Variants in UBR1 observed in about 807,000 individuals in gnomAD.
UBR1 encodes the protein ubiquitin protein ligase E3 component n-recognin 1.
In UBR1, 102 loss-of-function variants were observed where a neutral mutation model predicts 242.1. That is an observed-to-expected ratio of 0.42 (90% CI 0.36 to 0.50). UBR1 has a LOEUF of 0.50. Among genes scored for constraint, UBR1 ranks in the 20% least tolerant of loss-of-function variants. UBR1 has a pLI of 0.01. For missense variants in UBR1, 1,772 were observed against 2,101.8 expected, an observed-to-expected ratio of 0.84 and a Z score of 3.07; for synonymous variants, 675 against 684.8, an observed-to-expected ratio of 0.99 and a Z score of 0.22.
At chr15:43,017,248 T>C in intron 27 of UBR1, 67 bp from the exon 28 acceptor site, 2 of 1,082,794 alleles carry the variant, frequency 1.8e-6, no homozygotes, top group Admixed American at 3.7e-5. Flanking sequence ...AACAGAAACA[T>C]TCACTAATCT....
intron 1 of UBR1, among the ~76,000 whole-genome samples, chr15:43,098,544 T>A (rs534115027): frequency 1.3e-5 from 2 of 152,326 alleles, no homozygotes; most frequent in South Asian, 4.1e-4. Context: ...TTTATAAAAG[T>A]ATCTATCCAG....
chr15:43,047,208 G>C lies in UBR1; in HGVS notation c.1621C>G (p.Gln541Glu). ...DWEAAIAIQMQLKNILLMFQE... is the reference protein window; with the variant it reads ...DWEAAIAIQMELKNILLMFQE... ...AACATGAGTAAAATATTCTTCAATT[G>C]CATCTGTATAGCAATGGCAGCCTCC... is the stretch of plus-strand genomic sequence containing the variant. The change falls in exon 14 of 47, where the codon CAA becomes GAA. Residue 541 changes from glutamine (Q) to glutamate (E), a missense_variant. Gln to Glu is a conservative substitution (Grantham distance 29). Transcript: ENST00000290650. 1 of 1,614,086 alleles carries C rather than the reference G, an allele frequency of 6.2e-7. No individual in the cohort carries two copies. Among genetic ancestry groups the C allele is most frequent in the South Asian group, 1.1e-5 (1 of 91,078 alleles).
chr15:43,025,509 C>T (rs2033167283), intron 23 of UBR1, 80 bp from the exon 24 acceptor site: 1 of 1,021,018 alleles, frequency 9.8e-7, no homozygotes. Flanking sequence ...CAGGAAAGAC[C>T]CAACCACCTA....
At chr15:43,102,275 C>T (rs944885178) in intron 1 of UBR1, among the ~76,000 whole-genome samples, 1 of 152,164 alleles carries the variant, frequency 6.6e-6, no homozygotes, top group South Asian at 2.1e-4. Context: ...CAAGGATAAC[C>T]TTTCCAGTGC....
chr15:43,064,016 G>A (rs774186362), intron 6 of UBR1, among the ~76,000 whole-genome samples: 9 of 152,202 alleles, frequency 5.9e-5, no homozygotes, highest in Non-Finnish European at 1.2e-4. Flanking sequence ...GATTACAGGC[G>A]TGGGCCACTG....
intron 26 of UBR1, among the ~76,000 whole-genome samples, chr15:43,022,095 C>T (rs2033117967): frequency 6.6e-6 from 1 of 151,940 alleles, no homozygotes; most frequent in East Asian, 1.9e-4. Context: ...TATCCATAAA[C>T]TGAATAGGTT....
Position 42,984,935 on chromosome 15 carries a change from T to C in UBR1, c.4005A>G (p.Leu1335=), listed in dbSNP as rs774563196. 7 of 1,608,728 alleles carry C rather than the reference T, an allele frequency of 4.4e-6. No homozygotes were observed. Among genetic ancestry groups the C allele is most frequent in the East Asian group, 2.2e-5 (1 of 44,746 alleles). ...CAFTIQAIEN[L]LGDEGKPLFG... ...ACAGAGGTTTTCCTTCATCTCCCAA[T>C]AGATTTTCTCAAAGAATAAAAAAAA... Residue 1335 remains leucine (L), a synonymous_variant, in exon 36 of 47, where the codon CTA becomes CTG. Transcript: ENST00000290650.
intron 5 of UBR1, among the ~76,000 whole-genome samples, chr15:43,068,631 T>C (rs1596128540): frequency 1.3e-5 from 2 of 152,022 alleles, no homozygotes; most frequent in East Asian, 1.9e-4. Flanking sequence ...TTTTGTTTTG[T>C]TTTGTTTTAG....
In UBR1 at chr15:42,961,442, T is replaced by C. The variant is rs892729922; in HGVS notation, c.4701-741A>G. The stretch of plus-strand genomic sequence containing the variant: ...GTTCCTCTTTTTTTTTTTTTTTTTT[T>C]AGATGGAGTCTCACTCTGTCACCCA... On this transcript the variant is annotated intron_variant, in intron 42 of 46. Transcript: ENST00000290650. Among the ~76,000 whole-genome samples, 13 of 148,904 alleles carry C rather than the reference T, an allele frequency of 8.7e-5. No individual in the cohort carries two copies. In the East Asian group the frequency reaches 2.6e-3, roughly 30 times the overall value.
intron 12 of UBR1, among the ~76,000 whole-genome samples, chr15:43,053,986 C>T (rs530474489): frequency 4.6e-5 from 7 of 152,166 alleles, no homozygotes; most frequent in East Asian, 1.9e-4. Context: ...TTTCAGTCTG[C>T]GGTTGGTTGA....
rs1272137019 is a variant in UBR1, at chr15:42,950,335, C to G, written c.5035G>C (p.Glu1679Gln). Residue 1679 changes from glutamate to glutamine, a missense_variant, in exon 46 of 47, where the codon GAA (glutamate) becomes CAA (glutamine). Physicochemically the swap from Glu to Gln is conservative, Grantham distance 29 (BLOSUM62 2). Transcript: ENST00000290650. ...KIRECRVVLVEGKARGCAYPA... is the reference protein window; with the variant it reads ...KIRECRVVLVQGKARGCAYPA... ...TAGGCACAGCCTCTGGCTTTACCTT[C>G]AACCAGGACCACTCGGCATTCTCTG... is the stretch of plus-strand genomic sequence containing the variant. 1.2e-6 allele frequency: 2 copies of G among 1,614,052 alleles called. No individual in the cohort carries two copies. Among genetic ancestry groups the G allele is most frequent in the Admixed American group, 3.3e-5 (2 of 60,002 alleles).
intron 31 of UBR1, chr15:43,003,463 C>G (rs1017146171): frequency 3.2e-6 from 1 of 317,090 alleles, no homozygotes; most frequent in Admixed American, 4.4e-5. Flanking sequence ...ACCACGTTGG[C>G]CAGGCTGGTC....
intron 27 of UBR1, 23 bp from the exon 28 acceptor site, chr15:43,017,204 TAA>T (rs766221978): frequency 5.5e-5 from 87 of 1,567,994 alleles, no homozygotes; most frequent in Admixed American, 2.3e-4. Context: ...GATGAAACGT[TAA>T]AAGAGTTAGT....
At chr15:42,950,457 A>G (rs138168829) in intron 45 of UBR1, 94 bp from the exon 46 acceptor site, 38 of 1,018,952 alleles carry the variant, frequency 3.7e-5, no homozygotes, top group Non-Finnish European at 5.3e-5. Context: ...GACGTGGCCA[A>G]TATCTGTTAG....
At chr15:43,090,946 T>A (rs936865950) in intron 1 of UBR1, among the ~76,000 whole-genome samples, 2 of 152,182 alleles carry the variant, frequency 1.3e-5, no homozygotes, top group African/African-American at 4.8e-5. Flanking sequence ...TTATTTATTT[T>A]TATTTTTTTT....
At chr15:42,968,503 G>A (rs1328055473) in intron 40 of UBR1, among the ~76,000 whole-genome samples, 1 of 151,698 alleles carries the variant, frequency 6.6e-6, no homozygotes, top group Middle Eastern at 3.2e-3. Context: ...CGGATTACAG[G>A]CATGAACCAT....
intron 44 of UBR1, among the ~76,000 whole-genome samples, chr15:42,953,931 GAA>G (rs2031875292): frequency 6.8e-6 from 1 of 146,522 alleles, no homozygotes; most frequent in Non-Finnish European, 1.5e-5. Context: ...CACCCAGGCT[GAA>G]GTCCAGTGTC....
At chr15:42,981,944 C>T (rs749024215) in intron 37 of UBR1, among the ~76,000 whole-genome samples, 1 of 152,158 alleles carries the variant, frequency 6.6e-6, no homozygotes, top group African/African-American at 2.4e-5. Context: ...CATATATAGG[C>T]ATAAAGCTAC....
intron 40 of UBR1, among the ~76,000 whole-genome samples, chr15:42,969,939 A>C (rs1596079724): frequency 6.6e-6 from 1 of 152,216 alleles, no homozygotes. Context: ...TATAGATTCA[A>C]TGCTATCCCC....
Sources: allele counts gnomAD v4.1 joint callset (sites outside exome capture counted in the v4.1 genomes callset), GRCh38; gene constraint gnomAD v4.1.1; transcripts MANE v1.5; gene names NCBI Gene and HGNC (gene_info 2026-07-23, HGNC 2026-07-21).